The following GALNT13 variants were observed in gnomAD, a reference collection of about 807,000 sequenced individuals.
GALNT13 encodes polypeptide N-acetylgalactosaminyltransferase 13, also known as UDP-GalNAc:polypeptide N-acetylgalactosaminyltransferase 13.
Under a neutral mutation model 64.2 loss-of-function variants are expected in GALNT13, and 28 were observed. That is an observed-to-expected ratio of 0.44 (90% CI 0.32 to 0.60). The LOEUF (loss-of-function observed/expected upper bound fraction) is 0.60, where lower values mean the gene tolerates loss of function less well. Among genes scored for constraint, GALNT13 ranks in the 20% least tolerant of loss-of-function variants. GALNT13 has a pLI of 0.05. For synonymous variants in GALNT13, 214 were observed against 224.6 expected, an observed-to-expected ratio of 0.95 and a Z score of 0.42; for missense variants, 577 against 669.8, an observed-to-expected ratio of 0.86 and a Z score of 1.53.
intron 3 of GALNT13, among the ~76,000 whole-genome samples, chr2:154,048,411 A>G (rs1699399914): frequency 6.6e-6 from 1 of 152,182 alleles, no homozygotes; most frequent in African/African-American, 2.4e-5. Context: ...AATCCCTAAA[A>G]AACTTTGATT....
At chr2:153,828,074 G>A in the GALNT13 span, among the ~76,000 whole-genome samples, 23 of 152,194 alleles carry the variant, frequency 1.5e-4, no homozygotes, top group African/African-American at 5.3e-4. Flanking sequence ...CCATAGTATT[G>A]GGAAGCCCCA....
chr2:153,539,960 A>G, the GALNT13 span, among the ~76,000 whole-genome samples: 1 of 152,172 alleles, frequency 6.6e-6, no homozygotes, highest in Non-Finnish European at 1.5e-5. Context: ...GAAAAGAAAA[A>G]CCCATTTTCT....
chr2:154,195,055 T>G (rs1686806531), intron 4 of GALNT13, among the ~76,000 whole-genome samples: 1 of 152,012 alleles, frequency 6.6e-6, no homozygotes, highest in Non-Finnish European at 1.5e-5. Flanking sequence ...GGTCCTGATG[T>G]GTGATGTTCC....
chr2:154,213,171 C>T (rs1327763323), intron 4 of GALNT13, among the ~76,000 whole-genome samples: 2 of 152,126 alleles, frequency 1.3e-5, no homozygotes, highest in African/African-American at 4.8e-5. Flanking sequence ...GGCACAAGCT[C>T]AGCTCACTGC....
At chr2:153,767,399 C>T in the GALNT13 span, among the ~76,000 whole-genome samples, 1 of 152,082 alleles carries the variant, frequency 6.6e-6, no homozygotes, top group Non-Finnish European at 1.5e-5. Context: ...GTAAGTTGTA[C>T]TGCAATGAAT....
the GALNT13 span, among the ~76,000 whole-genome samples, chr2:153,163,794 C>T: frequency 2.2e-4 from 34 of 152,164 alleles, no homozygotes; most frequent in East Asian, 2.3e-3. Context: ...CCAAGGCGGG[C>T]GGATCACGAG....
At chr2:154,184,311 T>C (rs1021302629) in intron 4 of GALNT13, among the ~76,000 whole-genome samples, 5 of 152,120 alleles carry the variant, frequency 3.3e-5, no homozygotes, top group Non-Finnish European at 7.4e-5. Context: ...AAGAATAAAA[T>C]GAGTCTCCTG....
the GALNT13 span, among the ~76,000 whole-genome samples, chr2:153,107,266 A>G: frequency 2.6e-5 from 4 of 152,268 alleles, no homozygotes; most frequent in East Asian, 5.8e-4. Flanking sequence ...GTCCAGTTGA[A>G]CAATCAGATG....
the GALNT13 span, among the ~76,000 whole-genome samples, chr2:153,711,848 G>A: frequency 6.6e-6 from 1 of 152,108 alleles, no homozygotes; most frequent in African/African-American, 2.4e-5. Flanking sequence ...GCTGTTAAAG[G>A]CATCACCTTT....
the GALNT13 span, among the ~76,000 whole-genome samples, chr2:153,345,719 G>GTCTGTCCTTCCTTCCTTCCTTCCT: frequency 1.3e-5 from 1 of 79,976 alleles, no homozygotes; most frequent in African/African-American, 4.9e-5. Context: ...CTCTCTTTCT[G>GTCTGTCCTTCCTTCCTTCCTTCCT]TCCTTCCTTC....
At chr2:153,801,330 C>A in the GALNT13 span, among the ~76,000 whole-genome samples, 1 of 147,812 alleles carries the variant, frequency 6.8e-6, no homozygotes, top group South Asian at 2.1e-4. Context: ...TTTTGACATG[C>A]CTTTTTTTTT....
At chr2:153,978,899 G>T (rs1694257749) in intron 3 of GALNT13, among the ~76,000 whole-genome samples, 1 of 152,006 alleles carries the variant, frequency 6.6e-6, no homozygotes, top group Non-Finnish European at 1.5e-5. Context: ...TTGCACCACT[G>T]CACTCCAGCC....
intron 3 of GALNT13, among the ~76,000 whole-genome samples, chr2:154,098,562 G>A (rs1022012358): frequency 6.6e-6 from 1 of 151,942 alleles, no homozygotes; most frequent in African/African-American, 2.4e-5. Flanking sequence ...AGTGAGCATT[G>A]TACCCAATAG....
intron 2 of GALNT13, among the ~76,000 whole-genome samples, chr2:153,930,797 C>T (rs1010310807): frequency 2.0e-5 from 3 of 151,980 alleles, no homozygotes; most frequent in African/African-American, 7.2e-5. Context: ...ATTGCTTTGG[C>T]TATCTGGGCT....
chr2:153,229,785 T>C, the GALNT13 span, among the ~76,000 whole-genome samples: 3 of 152,236 alleles, frequency 2.0e-5, no homozygotes, highest in African/African-American at 7.2e-5. Context: ...AAACCTCTCC[T>C]CTGTTTCACA....
the GALNT13 span, among the ~76,000 whole-genome samples, chr2:153,577,453 C>G: frequency 6.6e-6 from 1 of 152,004 alleles, no homozygotes; most frequent in Non-Finnish European, 1.5e-5. Flanking sequence ...GCCTTTCTAG[C>G]TCACAGAAGA....
the GALNT13 span, among the ~76,000 whole-genome samples, chr2:153,616,851 C>A: frequency 6.6e-6 from 1 of 151,884 alleles, no homozygotes; most frequent in Non-Finnish European, 1.5e-5. Context: ...CCAAATATAA[C>A]TCTATATCAT....
At chr2:154,388,637 A>G (rs1424257101) in intron 9 of GALNT13, among the ~76,000 whole-genome samples, 1 of 152,168 alleles carries the variant, frequency 6.6e-6, no homozygotes. Context: ...ACCATTTACA[A>G]TTTGGTATTT....
intron 2 of GALNT13, among the ~76,000 whole-genome samples, chr2:153,906,103 G>T (rs1161155656): frequency 6.6e-6 from 1 of 151,768 alleles, no homozygotes; most frequent in African/African-American, 2.4e-5. Flanking sequence ...AGTTGACGAT[G>T]AGTAACTGGA....
Sources: allele counts gnomAD v4.1 joint callset (sites outside exome capture counted in the v4.1 genomes callset), GRCh38; gene constraint gnomAD v4.1.1; transcripts MANE v1.5; gene names NCBI Gene and HGNC (gene_info 2026-07-23, HGNC 2026-07-21).